Variants in HDAC9 observed in about 807,000 individuals in gnomAD.
HDAC9 encodes the protein MEF-2 interacting transcription repressor (MITR) protein.
In HDAC9, 41 loss-of-function variants were observed where a neutral mutation model predicts 139.4. The ratio of observed to expected loss-of-function variants is 0.29; its 90% CI spans 0.23 to 0.38. The LOEUF is 0.38. Ranked by LOEUF, HDAC9 falls within the 10% of genes least tolerant of loss-of-function variation. HDAC9 has a pLI of 1.00. For synonymous variants in HDAC9, 517 were observed against 476.2 expected, an observed-to-expected ratio of 1.09 and a Z score of -1.12; for missense variants, 1,147 against 1,297.0, an observed-to-expected ratio of 0.88 and a Z score of 1.78.
intron 1 of HDAC9, among the ~76,000 whole-genome samples, chr7:18,372,526 T>G (rs1014020373): frequency 2.0e-5 from 3 of 152,208 alleles, no homozygotes; most frequent in African/African-American, 7.2e-5. Flanking sequence ...AGGCTTTGGC[T>G]TGCTTAGTAT....
chr7:18,755,027 C>A (rs1368822916), intron 14 of HDAC9, among the ~76,000 whole-genome samples: 1 of 151,940 alleles, frequency 6.6e-6, no homozygotes, highest in Non-Finnish European at 1.5e-5. Flanking sequence ...TACTGTTTTG[C>A]TTAGTTTGCA....
intron 22 of HDAC9, among the ~76,000 whole-genome samples, chr7:18,927,743 T>C (rs1450379427): frequency 6.6e-6 from 1 of 152,026 alleles, no homozygotes; most frequent in Non-Finnish European, 1.5e-5. Context: ...CATAGAAGAG[T>C]TACAAATTAA....
chr7:18,113,643 G>T (rs185691845), intron 1 of HDAC9, among the ~76,000 whole-genome samples: 9 of 152,236 alleles, frequency 5.9e-5, no homozygotes, highest in Admixed American at 5.9e-4. Context: ...TTTTCACTTG[G>T]ATTCTTGCTT....
At chr7:18,892,391 A>G (rs1800762248) in intron 22 of HDAC9, among the ~76,000 whole-genome samples, 1 of 152,216 alleles carries the variant, frequency 6.6e-6, no homozygotes, top group African/African-American at 2.4e-5. Flanking sequence ...AGATGAAGAA[A>G]CTAAAGCATA....
At chr7:18,537,889 A>G (rs912768699) in intron 2 of HDAC9, among the ~76,000 whole-genome samples, 1 of 152,240 alleles carries the variant, frequency 6.6e-6, no homozygotes, top group Non-Finnish European at 1.5e-5. Context: ...GTGAAGAGGT[A>G]GACCAGCAGC....
At chr7:18,462,760 A>T (rs757271501) in intron 1 of HDAC9, among the ~76,000 whole-genome samples, 5 of 152,052 alleles carry the variant, frequency 3.3e-5, no homozygotes, top group Non-Finnish European at 7.4e-5. Context: ...CTGTGAATAT[A>T]TATGACAATT....
At chr7:18,758,829 T>C (rs1389939555) in intron 14 of HDAC9, among the ~76,000 whole-genome samples, 4 of 152,054 alleles carry the variant, frequency 2.6e-5, no homozygotes, top group Non-Finnish European at 5.9e-5. Flanking sequence ...TTCACTGCTC[T>C]CTTTCTGTAG....
intron 12 of HDAC9, among the ~76,000 whole-genome samples, chr7:18,698,102 A>T (rs1471503277): frequency 6.6e-6 from 1 of 152,194 alleles, no homozygotes; most frequent in Non-Finnish European, 1.5e-5. Flanking sequence ...TAACTCTGGA[A>T]ATGCTTCACT....
chr7:18,710,679 T>A (rs910104000), intron 12 of HDAC9, among the ~76,000 whole-genome samples: 2 of 152,156 alleles, frequency 1.3e-5, no homozygotes, highest in Non-Finnish European at 2.9e-5. Context: ...TTGGCATTCA[T>A]ACCTAGGAGT....
chr7:18,592,602 G>A (rs1012396811), intron 5 of HDAC9, among the ~76,000 whole-genome samples: 8 of 152,026 alleles, frequency 5.3e-5, no homozygotes, highest in African/African-American at 1.9e-4. Flanking sequence ...CAGCCTGGGA[G>A]TTCTATTTAA....
intron 17 of HDAC9, among the ~76,000 whole-genome samples, chr7:18,822,182 G>A (rs1795025363): frequency 6.6e-6 from 1 of 152,118 alleles, no homozygotes; most frequent in Non-Finnish European, 1.5e-5. Context: ...TTGGGCTGTG[G>A]GGATAAATAT....
intron 1 of HDAC9, among the ~76,000 whole-genome samples, chr7:18,094,480 C>T (rs1782373133): frequency 6.7e-6 from 1 of 150,002 alleles, no homozygotes. Flanking sequence ...TTGCTCTACT[C>T]CCAAGGCTGG....
chr7:18,642,401 AG>A (rs1292239917), intron 8 of HDAC9, among the ~76,000 whole-genome samples: 5 of 152,086 alleles, frequency 3.3e-5, no homozygotes, highest in African/African-American at 1.2e-4. Flanking sequence ...CAGTGGCTGC[AG>A]AGTCATACTC....
intron 1 of HDAC9, among the ~76,000 whole-genome samples, chr7:18,105,918 T>A (rs1310052346): frequency 6.6e-6 from 1 of 152,160 alleles, no homozygotes; most frequent in Non-Finnish European, 1.5e-5. Flanking sequence ...AAGCAGTGAT[T>A]TATGCTACAC....
intron 2 of HDAC9, among the ~76,000 whole-genome samples, chr7:18,179,973 T>A (rs931329829): frequency 6.6e-6 from 1 of 152,152 alleles, no homozygotes; most frequent in Non-Finnish European, 1.5e-5. Context: ...TATAAGCCTC[T>A]CCACACTGAT....
chr7:18,284,042 T>C (rs1455694555), intron 2 of HDAC9, among the ~76,000 whole-genome samples: 2 of 152,174 alleles, frequency 1.3e-5, no homozygotes, highest in African/African-American at 4.8e-5. Flanking sequence ...TTACACAACA[T>C]TCATTTCCTT....
chr7:18,771,456 T>A (rs1790284146), intron 16 of HDAC9, among the ~76,000 whole-genome samples: 1 of 152,128 alleles, frequency 6.6e-6, no homozygotes, highest in African/African-American at 2.4e-5. Context: ...GAGGCAGATT[T>A]GGATGAAATG....
At chr7:18,556,676 T>C (rs549709391) in intron 2 of HDAC9, among the ~76,000 whole-genome samples, 28 of 152,158 alleles carry the variant, frequency 1.8e-4, no homozygotes, top group African/African-American at 6.3e-4. Flanking sequence ...TTGAATATTT[T>C]AAAAATTACT....
At chr7:18,931,553 G>C (rs1368068533) in intron 22 of HDAC9, among the ~76,000 whole-genome samples, 1 of 152,144 alleles carries the variant, frequency 6.6e-6, no homozygotes, top group East Asian at 1.9e-4. Flanking sequence ...AGTGCTTCAA[G>C]ATATTGAGGA....
Sources: allele counts gnomAD v4.1 joint callset (sites outside exome capture counted in the v4.1 genomes callset), GRCh38; gene constraint gnomAD v4.1.1; transcripts MANE v1.5; gene names NCBI Gene and HGNC (gene_info 2026-07-23, HGNC 2026-07-21).